Variants in S100Z observed in about 807,000 individuals in gnomAD.
S100Z encodes protein S100-Z.
Under a neutral mutation model 8.5 loss-of-function variants are expected in S100Z, and 11 were observed. The observed-to-expected ratio is 1.30, with a 90% CI of 0.82 to 2.15. The LOEUF (loss-of-function observed/expected upper bound fraction) is 2.15. S100Z is among the 30% of genes most tolerant of loss of function. The pLI, the probability that S100Z is intolerant of heterozygous loss-of-function variation, is 0.00. For synonymous variants in S100Z, 34 were observed against 43.8 expected (o/e 0.78, Z 0.89); for missense variants, 126 against 117.9 (o/e 1.07, Z -0.32).
chr5:76,926,818 A>T, the S100Z span, among the ~76,000 whole-genome samples: 1 of 152,208 alleles, frequency 6.6e-6, no homozygotes, highest in Non-Finnish European at 1.5e-5. Flanking sequence ...AAAGGAAAAG[A>T]TTCCCCCTGA....
At chr5:76,878,983 C>G (rs866452854) in intron 4 of S100Z, among the ~76,000 whole-genome samples, 22 of 152,246 alleles carry the variant, frequency 1.4e-4, no homozygotes, top group African/African-American at 4.8e-4. Flanking sequence ...GTATCAGAAC[C>G]CTGGTTTGTG....
the S100Z span, among the ~76,000 whole-genome samples, chr5:76,927,229 CT>C: frequency 2.0e-5 from 3 of 152,152 alleles, no homozygotes; most frequent in Admixed American, 6.5e-5. Flanking sequence ...GAGAGGGATT[CT>C]AAAGCCCAAT....
intron 4 of S100Z, among the ~76,000 whole-genome samples, chr5:76,915,235 G>A (rs1220837950): frequency 3.3e-5 from 5 of 151,500 alleles, no homozygotes; most frequent in South Asian, 2.1e-4. Context: ...AACCTGGGAG[G>A]CGGAGCTTGC....
At chr5:76,924,443 T>A (rs1745100357), downstream of S100Z, among the ~76,000 whole-genome samples, 1 of 152,166 alleles carries the variant, frequency 6.6e-6, no homozygotes, top group African/African-American at 2.4e-5. Context: ...TTCCCTTGGC[T>A]CCTACACGTT....
chr5:76,882,046 T>C (rs1169977278), intron 4 of S100Z, among the ~76,000 whole-genome samples: 1 of 152,180 alleles, frequency 6.6e-6, no homozygotes, highest in Non-Finnish European at 1.5e-5. Flanking sequence ...TCAGTATAAA[T>C]ATTGACGCGT....
At chr5:76,933,094 A>G in the S100Z span, among the ~76,000 whole-genome samples, 5 of 152,242 alleles carry the variant, frequency 3.3e-5, no homozygotes, top group Non-Finnish European at 5.9e-5. Context: ...ATAAAGTTTT[A>G]GAGTCCACAG....
chr5:76,881,410 G>T (rs1026298807), intron 4 of S100Z, among the ~76,000 whole-genome samples: 1 of 152,214 alleles, frequency 6.6e-6, no homozygotes, highest in Admixed American at 6.5e-5. Flanking sequence ...TGAGGCATGT[G>T]AGTAAAGTCA....
chr5:76,898,713 G>C (rs1451517555), intron 4 of S100Z, among the ~76,000 whole-genome samples: 1 of 152,040 alleles, frequency 6.6e-6, no homozygotes, highest in Non-Finnish European at 1.5e-5. Flanking sequence ...GCATTTTGTT[G>C]AGGATTTTTG....
intron 1 of S100Z, among the ~76,000 whole-genome samples, chr5:76,867,358 T>C (rs776074128): frequency 3.9e-5 from 6 of 152,190 alleles, no homozygotes; most frequent in African/African-American, 4.8e-5. Context: ...CTTAGCCTCC[T>C]GTATGACTGT....
At chr5:76,936,616 T>C in the S100Z span, among the ~76,000 whole-genome samples, 8 of 134,064 alleles carry the variant, frequency 6.0e-5, no homozygotes, top group Non-Finnish European at 1.1e-4. Context: ...TTAAAGTTCC[T>C]ACACACACAC....
chr5:76,910,276 A>G (rs1371291058), intron 4 of S100Z, among the ~76,000 whole-genome samples: 5 of 152,168 alleles, frequency 3.3e-5, no homozygotes, highest in African/African-American at 9.7e-5. Flanking sequence ...TTATTGCCCA[A>G]TCTGCAGCAG....
At chr5:76,935,698 C>G in the S100Z span, among the ~76,000 whole-genome samples, 3 of 151,470 alleles carry the variant, frequency 2.0e-5, no homozygotes, top group Non-Finnish European at 4.4e-5. Flanking sequence ...AATCTAGACT[C>G]AAAGGATATC....
At chr5:76,851,289 G>A (rs527732762) in intron 1 of S100Z, among the ~76,000 whole-genome samples, 1 of 152,200 alleles carries the variant, frequency 6.6e-6, no homozygotes, top group Non-Finnish European at 1.5e-5. Flanking sequence ...ATTTAGCCAG[G>A]GGATGGCAGG....
intron 4 of S100Z, among the ~76,000 whole-genome samples, chr5:76,899,315 T>G (rs1744150748): frequency 1.3e-5 from 2 of 152,178 alleles, no homozygotes; most frequent in African/African-American, 4.8e-5. Context: ...CTATGTCTTT[T>G]GATTAAAGAG....
At chr5:76,865,303 G>A (rs1177105906) in intron 1 of S100Z, among the ~76,000 whole-genome samples, 1 of 148,328 alleles carries the variant, frequency 6.7e-6, no homozygotes, top group Non-Finnish European at 1.5e-5. Context: ...GGAGTGCAGT[G>A]GTGCGATCTT....
chr5:76,877,280 C>T (rs73122008), intron 3 of S100Z, among the ~76,000 whole-genome samples: 2,943 of 152,240 alleles, frequency 0.019, 95 homozygotes, highest in African/African-American at 0.067. Context: ...AAATGTTACG[C>T]GATTTGCTCA....
At chr5:76,928,489 G>T in the S100Z span, among the ~76,000 whole-genome samples, 4 of 152,190 alleles carry the variant, frequency 2.6e-5, no homozygotes, top group African/African-American at 4.8e-5. Flanking sequence ...TGGAGCAGGG[G>T]TGAGCTGGGA....
chr5:76,946,639 C>T, the S100Z span, among the ~76,000 whole-genome samples: 1 of 152,128 alleles, frequency 6.6e-6, no homozygotes, highest in African/African-American at 2.4e-5. Flanking sequence ...AAAACATATC[C>T]TATGCATGCA....
chr5:76,874,597 T>G (rs533978972), intron 2 of S100Z, among the ~76,000 whole-genome samples: 56 of 152,156 alleles, frequency 3.7e-4, no homozygotes, highest in African/African-American at 1.3e-3. Flanking sequence ...GGAGAACGTT[T>G]CCCCCTCCCC....
Sources: gnomAD v4.1 joint callset for allele counts (sites outside exome capture counted in the v4.1 genomes callset) on GRCh38, gnomAD v4.1.1 for gene constraint, MANE v1.5 for transcripts, NCBI Gene and HGNC (gene_info 2026-07-23, HGNC 2026-07-21) for gene names.